The following CELF2 variants were observed in gnomAD, a reference collection of about 807,000 sequenced individuals.
CELF2 encodes CUGBP Elav-like family member 2, also known as CUG triplet repeat RNA-binding protein 2.
A neutral mutation model predicts 62.6 loss-of-function variants in CELF2; 8 were observed. The observed-to-expected ratio is 0.13, with a 90% CI of 0.07 to 0.23. CELF2 has a LOEUF of 0.23. CELF2 is among the 10% of genes least tolerant of loss of function. CELF2 has a pLI of 1.00. For synonymous variants in CELF2, 258 were observed against 250.0 expected, an observed-to-expected ratio of 1.03 and a Z score of -0.30; for missense variants, 333 against 671.0, an observed-to-expected ratio of 0.50 and a Z score of 5.56.
chr10:11,197,070 G>GAAAGAAAGAAAGAAAGAAAGAAA (rs1329770894), intron 2 of CELF2, among the ~76,000 whole-genome samples: 1 of 78,098 alleles, frequency 1.3e-5, no homozygotes, highest in African/African-American at 5.8e-5. Flanking sequence ...AAGAAAGAAA[G>GAAAGAAAGAAAGAAAGAAAGAAA]GAAAGAAAGA....
Position 11,008,706 on chromosome 10 carries a change from G to T in CELF2, c.53+3266G>T, listed in dbSNP as rs759455546. The stretch of plus-strand genomic sequence containing the variant: ...ACAAGGAAGAGTGTTACGTGGGGAC[G>T]ATCATTCTGTATTTAAGGTGTCAGA... On this transcript the variant is annotated intron_variant, in intron 1 of 12. Transcript: ENST00000416382. This position sits in a 1 kb window ranked among gnomAD's most constrained non-coding sequence, Gnocchi z 4.5. Among the ~76,000 whole-genome samples the T allele has an allele frequency of 3.3e-5, 5 of 152,032 alleles. No homozygotes were observed. The highest frequency in any genetic ancestry group is 7.4e-5 in the Non-Finnish European group (5 of 68,020).
chr10:11,284,202 G>A (rs200314779), intron 8 of CELF2, among the ~76,000 whole-genome samples: 1,179 of 3,612 alleles, frequency 0.33, 40 homozygotes, highest in East Asian at 0.38. Flanking sequence ...TGGTGGGTGG[G>A]TGAGGGATGA....
the CELF2 span, among the ~76,000 whole-genome samples, chr10:10,544,077 C>T: frequency 2.0e-5 from 3 of 152,152 alleles, no homozygotes; most frequent in Non-Finnish European, 2.9e-5. Context: ...GAGTAGAACA[C>T]GGATTTAGAG....
chr10:11,286,128 G>A (rs2091231822), intron 8 of CELF2, among the ~76,000 whole-genome samples: 1 of 152,180 alleles, frequency 6.6e-6, no homozygotes, highest in South Asian at 2.1e-4. Flanking sequence ...GCCCAGGAGG[G>A]TCTCCTCCAT....
At chr10:10,887,427 G>A (rs1317498233) in intron 1 of CELF2, among the ~76,000 whole-genome samples, 2 of 152,172 alleles carry the variant, frequency 1.3e-5, no homozygotes, top group East Asian at 1.9e-4. Context: ...GTTCAGGCAG[G>A]CGTTTCAGCG....
the CELF2 span, among the ~76,000 whole-genome samples, chr10:10,626,975 G>A: frequency 6.6e-6 from 1 of 152,152 alleles, no homozygotes; most frequent in African/African-American, 2.4e-5. Flanking sequence ...ACACATTGTC[G>A]GAGAATGTCT....
chr10:10,811,380 G>A (rs1225920392), intron 1 of CELF2, among the ~76,000 whole-genome samples: 1 of 152,134 alleles, frequency 6.6e-6, no homozygotes, highest in Non-Finnish European at 1.5e-5. Flanking sequence ...GTGCCATAGA[G>A]TCAGGAAGTG....
the CELF2 span, among the ~76,000 whole-genome samples, chr10:10,629,130 C>T: frequency 6.6e-6 from 1 of 152,144 alleles, no homozygotes; most frequent in South Asian, 2.1e-4. Context: ...AACTTTGGGC[C>T]TCTGCCCTGA....
At position 11,071,008 on chromosome 10, in the gene CELF2, T is replaced by C. The variant is rs114189739; in HGVS notation, c.74+52845T>C. Among the ~76,000 whole-genome samples the C allele has an allele frequency of 7.3e-3, 1,119 of 152,338 alleles. 9 individuals are homozygous for C. Among genetic ancestry groups the C allele is most frequent in the African/African-American group, 0.024 (1,017 of 41,572 alleles). ...GTATAGATGACTATTTTGAGAAATT[T>C]GGCTATTTAAAGGTGGTAGAGAGTA... On this transcript the variant is annotated intron_variant, in intron 1 of 12. Coordinates refer to ENST00000633077, the MANE Select transcript of CELF2 (RefSeq NM_001326342.2).
At chr10:10,714,068 G>A in the CELF2 span, among the ~76,000 whole-genome samples, 6 of 152,070 alleles carry the variant, frequency 3.9e-5, no homozygotes, top group Non-Finnish European at 8.8e-5. Flanking sequence ...TATGGGTATA[G>A]ATGGACTTTG....
chr10:10,936,645 T>C lies in CELF2; in HGVS notation c.89+16646T>C, dbSNP rs1222817794. 1 of 152,248 alleles carries C rather than the reference T, an allele frequency of 6.6e-6. No individual in the cohort carries two copies. The highest frequency in any genetic ancestry group is 1.5e-5 in the Non-Finnish European group (1 of 68,058). The allele number at this position is 152,248 out of a possible 1,614,324, so 9.4% of individuals were successfully genotyped here. A position where few individuals can be genotyped will look rare whatever the true frequency, so the allele number is the denominator to read the frequency against. ...GTACCTTTTCTCGCCACTACTTTGG[T>C]AACTTGTATCCCCCATCCCTGGGGA... On this transcript the variant is annotated intron_variant, in intron 2 of 13. Transcript: ENST00000636488. This position sits in a 1 kb window ranked among gnomAD's most constrained non-coding sequence, Gnocchi z 4.0.
At chr10:11,303,627 CACTA>C in intron 9 of CELF2, among the ~76,000 whole-genome samples, 1 of 152,222 alleles carries the variant, frequency 6.6e-6, no homozygotes, top group East Asian at 1.9e-4. Context: ...CGTGAATAAA[CACTA>C]AGCCTCAGCT....
chr10:11,296,013 G>A lies in CELF2; in HGVS notation c.976+7461G>A, dbSNP rs4317890. Among the ~76,000 whole-genome samples, 5 of 152,092 alleles carry A rather than the reference G, an allele frequency of 3.3e-5. No individual in the cohort carries two copies. The highest frequency in any genetic ancestry group is 9.7e-5 in the African/African-American group (4 of 41,386). ...CCAATTTAAAGCTTAATAAAGCTGC[G>A]CAGCTTTGGGGGTAGAGATATTTAC... On this transcript the variant is annotated intron_variant, in intron 9 of 12. Transcript: ENST00000633077. The surrounding 1 kb of genome is among the most constrained non-coding windows in gnomAD (Gnocchi z 5.0).
intron 1 of CELF2, among the ~76,000 whole-genome samples, chr10:10,830,510 T>C (rs563086306): frequency 1.3e-5 from 2 of 152,168 alleles, no homozygotes; most frequent in African/African-American, 4.8e-5. Context: ...TTTGTGTTAC[T>C]CTTCCTTAGG....
At position 11,244,427 on chromosome 10, in the gene CELF2, G is replaced by A. The variant is rs1272281564; in HGVS notation, c.355-4726G>A. Among the ~76,000 whole-genome samples the A allele has an allele frequency of 2.6e-5, 4 of 152,216 alleles. No individual in the cohort carries two copies. Among genetic ancestry groups the A allele is most frequent in the Admixed American group, 6.5e-5 (1 of 15,282 alleles). On this transcript the variant is annotated intron_variant, in intron 3 of 12. Transcript: ENST00000633077. The surrounding 1 kb of genome is among the most constrained non-coding windows in gnomAD (Gnocchi z 4.2). Reference sequence around the variant, plus strand: ...CCAGCACTTTGGGAGGCCGAGGTGGGTGGATCCCAAGGTCAGGAGATCGAG... The same window carrying A: ...CCAGCACTTTGGGAGGCCGAGGTGGATGGATCCCAAGGTCAGGAGATCGAG...
upstream of CELF2, among the ~76,000 whole-genome samples, chr10:10,795,338 A>G (rs1180854419): frequency 2.0e-5 from 3 of 152,026 alleles, no homozygotes; most frequent in Non-Finnish European, 4.4e-5. Flanking sequence ...GTAAAGGGGT[A>G]AATGTATCAA....
At chr10:11,073,104 T>G (rs1039846629) in intron 1 of CELF2, among the ~76,000 whole-genome samples, 2 of 152,162 alleles carry the variant, frequency 1.3e-5, no homozygotes, top group Non-Finnish European at 2.9e-5. Context: ...TACCAAAATA[T>G]TAACATGTCA....
At chr10:10,490,581 A>T in the CELF2 span, among the ~76,000 whole-genome samples, 1 of 151,976 alleles carries the variant, frequency 6.6e-6, no homozygotes, top group East Asian at 1.9e-4. Flanking sequence ...GGGGGGGTGG[A>T]GCATGTGCAC....
chr10:11,253,814 G>C (rs1402555027), intron 4 of CELF2, among the ~76,000 whole-genome samples: 1 of 152,088 alleles, frequency 6.6e-6, no homozygotes, highest in Non-Finnish European at 1.5e-5. Context: ...TACTAATCAC[G>C]GGGGACCCCA....
Sources: allele counts gnomAD v4.1 joint callset (sites outside exome capture counted in the v4.1 genomes callset), GRCh38; gene constraint gnomAD v4.1.1; non-coding constraint Gnocchi (gnomAD v3.1); transcripts MANE v1.5; gene names NCBI Gene and HGNC (gene_info 2026-07-23, HGNC 2026-07-21).